The following MAML3 variants were observed in gnomAD, a reference collection of about 807,000 sequenced individuals.
MAML3 encodes mastermind-like protein 3.
In MAML3, 27 loss-of-function variants were observed where a neutral mutation model predicts 101.9. That is an observed-to-expected ratio of 0.27 (90% CI 0.20 to 0.37). The LOEUF (loss-of-function observed/expected upper bound fraction) is 0.37, where lower values mean the gene tolerates loss of function less well. Among genes scored for constraint, MAML3 ranks in the 10% least tolerant of loss-of-function variants. MAML3 has a pLI of 1.00. For synonymous variants in MAML3, 501 were observed against 555.9 expected (o/e 0.90, Z 1.39); for missense variants, 1,316 against 1,444.9 (o/e 0.91, Z 1.45).
chr4:139,856,738 T>C (rs1211671501), intron 2 of MAML3, among the ~76,000 whole-genome samples: 1 of 152,228 alleles, frequency 6.6e-6, no homozygotes, highest in Non-Finnish European at 1.5e-5. Context: ...TACAGGAGAA[T>C]TATGGTGTCC....
chr4:139,898,371 G>A (rs942580727), intron 1 of MAML3, among the ~76,000 whole-genome samples: 2 of 152,320 alleles, frequency 1.3e-5, no homozygotes, highest in African/African-American at 2.4e-5. Context: ...GAGAACATAC[G>A]AAGTGATTTG....
chr4:140,107,507 CTTT>C (rs34219237), intron 1 of MAML3, among the ~76,000 whole-genome samples: 5 of 139,250 alleles, frequency 3.6e-5, no homozygotes, highest in Non-Finnish European at 6.3e-5. Context: ...GAAAAAAATG[CTTT>C]TTTTTTTTTT....
At chr4:140,007,968 C>G (rs745486293) in intron 1 of MAML3, among the ~76,000 whole-genome samples, 6 of 152,202 alleles carry the variant, frequency 3.9e-5, no homozygotes, top group Admixed American at 1.3e-4. Context: ...TGTTGGGCAG[C>G]GTTGTCAATT....
At chr4:140,052,580 G>A (rs2110924634) in intron 1 of MAML3, among the ~76,000 whole-genome samples, 1 of 147,322 alleles carries the variant, frequency 6.8e-6, no homozygotes, top group East Asian at 2.0e-4. Context: ...TATTGCCCAA[G>A]CTGGAGTGCA....
At chr4:140,123,241 A>T (rs1358655708) in intron 1 of MAML3, among the ~76,000 whole-genome samples, 1 of 152,312 alleles carries the variant, frequency 6.6e-6, no homozygotes, top group East Asian at 1.9e-4. Flanking sequence ...GTTTGTTAAG[A>T]CAGCTTACAA....
At chr4:139,969,343 A>G (rs1395840625) in intron 1 of MAML3, among the ~76,000 whole-genome samples, 1 of 151,934 alleles carries the variant, frequency 6.6e-6, no homozygotes, top group East Asian at 1.9e-4. Flanking sequence ...AATACTCAAG[A>G]TGGAACCAGT....
At chr4:139,896,921 G>A (rs7698701) in intron 1 of MAML3, among the ~76,000 whole-genome samples, 1,736 of 152,220 alleles carry the variant, frequency 0.011, 28 homozygotes, top group African/African-American at 0.04. Context: ...CAGCAAGGAG[G>A]AGCATGGCTA....
intron 2 of MAML3, among the ~76,000 whole-genome samples, chr4:139,781,427 A>G (rs1308518695): frequency 6.6e-6 from 1 of 151,660 alleles, no homozygotes; most frequent in Non-Finnish European, 1.5e-5. Flanking sequence ...GATATTTAAA[A>G]GTTTGGTAAA....
chr4:140,146,151 G>A (rs987207547), intron 1 of MAML3, among the ~76,000 whole-genome samples: 4 of 152,098 alleles, frequency 2.6e-5, no homozygotes, highest in Non-Finnish European at 4.4e-5. Flanking sequence ...GGGATTACAG[G>A]TATGAGCCAC....
At chr4:139,851,578 G>C (rs953120843) in intron 2 of MAML3, among the ~76,000 whole-genome samples, 1 of 152,210 alleles carries the variant, frequency 6.6e-6, no homozygotes, top group Admixed American at 6.5e-5. Context: ...TCTAAACAGA[G>C]GACCATGTTC....
intron 1 of MAML3, among the ~76,000 whole-genome samples, chr4:139,967,838 A>G (rs1008004177): frequency 7.2e-5 from 11 of 152,092 alleles, no homozygotes; most frequent in African/African-American, 2.7e-4. Flanking sequence ...ACTTGTATTT[A>G]AAGTCAACCT....
chr4:140,114,009 C>T (rs1728478895), intron 1 of MAML3, among the ~76,000 whole-genome samples: 1 of 152,184 alleles, frequency 6.6e-6, no homozygotes, highest in African/African-American at 2.4e-5. Context: ...TTCCCACCTT[C>T]GTGCTACTGA....
chr4:140,023,465 T>C (rs1726770016), intron 1 of MAML3, among the ~76,000 whole-genome samples: 1 of 152,178 alleles, frequency 6.6e-6, no homozygotes, highest in South Asian at 2.1e-4. Flanking sequence ...GCCTAGACAA[T>C]GGATCTTTTA....
intron 2 of MAML3, among the ~76,000 whole-genome samples, chr4:139,754,304 T>A (rs1729598599): frequency 6.6e-6 from 1 of 152,230 alleles, no homozygotes; most frequent in South Asian, 2.1e-4. Context: ...TGATTATAAA[T>A]TTATCCACTA....
chr4:139,780,598 G>C (rs1043707682), intron 2 of MAML3, among the ~76,000 whole-genome samples: 13 of 151,234 alleles, frequency 8.6e-5, no homozygotes, highest in Non-Finnish European at 1.3e-4. Context: ...GCTGTGCATG[G>C]GTCGCCCATT....
intron 2 of MAML3, among the ~76,000 whole-genome samples, chr4:139,775,776 G>T (rs576086802): frequency 1.3e-5 from 2 of 152,280 alleles, no homozygotes; most frequent in South Asian, 4.1e-4. Flanking sequence ...AGGGTGAAAA[G>T]CACGGTGGAC....
At position 139,863,839 on chromosome 4, in the gene MAML3, T is replaced by G. The variant is rs915171548; in HGVS notation, c.2079+25518A>C. Among the ~76,000 whole-genome samples, 409 of 34,872 alleles carry G rather than the reference T, an allele frequency of 0.012. 3 individuals are homozygous for G. In the African/African-American group the frequency reaches 0.19, roughly 16 times the overall value. 22.9% of individuals were successfully genotyped at this position (34,872 alleles called of 152,430 possible). ...GGTAATACCAGAACATGGGTTTTTT[T>G]TTTTTTTTTTTTTTTTTGTACTAAA... On this transcript the variant is annotated intron_variant, in intron 2 of 4. Coordinates refer to ENST00000509479, the MANE Select transcript of MAML3 (RefSeq NM_018717.5).
chr4:140,083,965 CACAGAG>C (rs1441025528), intron 1 of MAML3, among the ~76,000 whole-genome samples: 1,801 of 63,138 alleles, frequency 0.029, 41 homozygotes, highest in African/African-American at 0.13. Flanking sequence ...CACACACACA[CACAGAG>C]AGAGAGAGAG....
chr4:140,140,992 A>G (rs557691218), intron 1 of MAML3, among the ~76,000 whole-genome samples: 34 of 152,284 alleles, frequency 2.2e-4, no homozygotes, highest in Admixed American at 1.9e-3. Flanking sequence ...AATAGATGAG[A>G]ACTGCTCTTT....
Sources: gnomAD v4.1 joint callset for allele counts (sites outside exome capture counted in the v4.1 genomes callset) on GRCh38, gnomAD v4.1.1 for gene constraint, MANE v1.5 for transcripts, NCBI Gene and HGNC (gene_info 2026-07-23, HGNC 2026-07-21) for gene names.